The following GSG1L variants were observed in gnomAD, a reference collection of about 807,000 sequenced individuals.
GSG1L encodes the protein germ cell-specific gene 1-like protein.
Under a neutral mutation model 42.1 loss-of-function variants are expected in GSG1L, and 24 were observed. The ratio of observed to expected loss-of-function variants is 0.57; its 90% confidence interval spans 0.41 to 0.80. The LOEUF is 0.80. GSG1L is among the 30% of genes least tolerant of loss of function. The pLI, the probability that GSG1L is intolerant of heterozygous loss-of-function variation, is 0.00. For missense variants in GSG1L, 445 were observed against 472.2 expected, an observed-to-expected ratio of 0.94 and a Z score of 0.53; for synonymous variants, 215 against 203.5, an observed-to-expected ratio of 1.06 and a Z score of -0.48.
chr16:27,916,759 T>G (rs975704180), intron 2 of GSG1L, among the ~76,000 whole-genome samples: 38 of 152,190 alleles, frequency 2.5e-4, no homozygotes, highest in Admixed American at 2.2e-3. Flanking sequence ...CTCATGGGGT[T>G]GTTAAAAACT....
chr16:27,910,193 C>T (rs1596606215), intron 2 of GSG1L, among the ~76,000 whole-genome samples: 1 of 151,108 alleles, frequency 6.6e-6, no homozygotes, highest in Non-Finnish European at 1.5e-5. Flanking sequence ...AAACTCATGA[C>T]CTCAGACAAT....
In GSG1L at chr16:27,807,471, C is replaced by T. The variant is rs760014713; in HGVS notation, c.898+16G>A. 11 of 1,609,828 alleles carry T rather than the reference C, an allele frequency of 6.8e-6. No homozygotes were observed. The South Asian group carries it at 1.2e-4, about 18-fold the overall frequency. The stretch of plus-strand genomic sequence containing the variant: ...ATGAATCTGTCGTAGCAGATACCCA[C>T]AAACAGGCCACTTACGGGCAGGGTA... On this transcript the variant is annotated intron_variant, in intron 6 of 6. Coordinates refer to ENST00000447459, the MANE Select transcript of GSG1L (RefSeq NM_001109763.2).
chr16:28,004,226 T>C lies in GSG1L; in HGVS notation c.350-41023A>G, dbSNP rs551950127. Among the ~76,000 whole-genome samples the C allele has an allele frequency of 2.6e-5, 4 of 152,302 alleles. No homozygotes were observed. The East Asian group carries it at 7.8e-4, about 30-fold the overall frequency. ...ACTCTCCTCAGTGCTGGCTGCTCCC[T>C]TGCCGCCAAGGCCCCAAGAACAGCC... On this transcript the variant is annotated intron_variant, in intron 1 of 6. Coordinates refer to ENST00000447459, the MANE Select transcript of GSG1L (RefSeq NM_001109763.2).
intron 2 of GSG1L, among the ~76,000 whole-genome samples, chr16:27,917,581 T>A (rs913137662): frequency 2.6e-5 from 4 of 152,150 alleles, no homozygotes; most frequent in African/African-American, 4.8e-5. Context: ...AGACAGCAAC[T>A]GGGGCCAGAT....
chr16:27,812,506 G>A (rs1309359137), intron 5 of GSG1L, among the ~76,000 whole-genome samples: 1 of 152,248 alleles, frequency 6.6e-6, no homozygotes, highest in Non-Finnish European at 1.5e-5. Flanking sequence ...GTGGACAGTA[G>A]CAGGTGGTGG....
chr16:27,814,071 T>C (rs2083064935), intron 5 of GSG1L, among the ~76,000 whole-genome samples: 1 of 152,180 alleles, frequency 6.6e-6, no homozygotes, highest in African/African-American at 2.4e-5. Context: ...ATCTTTAAAC[T>C]TCTCTAATAG....
chr16:28,062,769 G>C (rs971824538), intron 1 of GSG1L, among the ~76,000 whole-genome samples: 5 of 152,294 alleles, frequency 3.3e-5, no homozygotes, highest in Middle Eastern at 3.4e-3. Flanking sequence ...CCCTCCGACC[G>C]GCAGCGGGGG....
At chr16:27,932,891 C>G (rs1179712919) in intron 2 of GSG1L, among the ~76,000 whole-genome samples, 1 of 152,032 alleles carries the variant, frequency 6.6e-6, no homozygotes, top group African/African-American at 2.4e-5. Context: ...ATGTGTCCAG[C>G]AAGAAGACCT....
chr16:27,892,252 C>T (rs962477942), intron 2 of GSG1L, among the ~76,000 whole-genome samples: 3 of 151,852 alleles, frequency 2.0e-5, no homozygotes, highest in Admixed American at 6.6e-5. Context: ...CCCAGGAGTT[C>T]GAGACCAGCC....
chr16:27,948,851 C>T (rs573405806), intron 2 of GSG1L, among the ~76,000 whole-genome samples: 6 of 150,880 alleles, frequency 4.0e-5, no homozygotes, highest in East Asian at 1.9e-4. Context: ...CCTCGTGATC[C>T]GCCTGCCTCG....
At chr16:28,005,623 G>C (rs1464774274) in intron 1 of GSG1L, among the ~76,000 whole-genome samples, 2 of 151,954 alleles carry the variant, frequency 1.3e-5, no homozygotes, top group East Asian at 1.9e-4. Context: ...TGAATGGTGG[G>C]GGGGGAGGGG....
At chr16:27,893,993 T>G (rs1567508537) in intron 2 of GSG1L, among the ~76,000 whole-genome samples, 4 of 152,212 alleles carry the variant, frequency 2.6e-5, no homozygotes. Context: ...CTTCAAGTTA[T>G]CCTCCAGCCC....
chr16:27,927,467 G>A (rs895872243), intron 2 of GSG1L, among the ~76,000 whole-genome samples: 4 of 152,190 alleles, frequency 2.6e-5, no homozygotes, highest in South Asian at 2.1e-4. Context: ...CACCTGGACC[G>A]GCCTCACCTG....
intron 1 of GSG1L, among the ~76,000 whole-genome samples, chr16:27,970,641 ATCC>A (rs1188749896): frequency 6.6e-6 from 1 of 151,568 alleles, no homozygotes; most frequent in Non-Finnish European, 1.5e-5. Flanking sequence ...GGCTCAAGTG[ATCC>A]TCCTGCCTCA....
intron 1 of GSG1L, among the ~76,000 whole-genome samples, chr16:27,965,058 G>A (rs552126417): frequency 1.4e-3 from 206 of 151,996 alleles, no homozygotes; most frequent in African/African-American, 4.7e-3. Flanking sequence ...TCACTCTGTC[G>A]CCCAGGCTGG....
chr16:27,857,236 G>T (rs991434447), intron 3 of GSG1L, among the ~76,000 whole-genome samples: 1 of 152,054 alleles, frequency 6.6e-6, no homozygotes, highest in Non-Finnish European at 1.5e-5. Context: ...AGATCACCCT[G>T]GGCAACATGG....
chr16:27,809,724 T>TC (rs1418457313), intron 5 of GSG1L, among the ~76,000 whole-genome samples: 1 of 152,206 alleles, frequency 6.6e-6, no homozygotes, highest in Non-Finnish European at 1.5e-5. Flanking sequence ...CCTGTCTTTG[T>TC]CTCATTTTCA....
At chr16:27,927,314 T>A (rs558703429) in intron 2 of GSG1L, among the ~76,000 whole-genome samples, 3 of 151,994 alleles carry the variant, frequency 2.0e-5, no homozygotes, top group African/African-American at 4.8e-5. Flanking sequence ...ATTTTTCAAT[T>A]TTTTTGTAGA....
intron 2 of GSG1L, among the ~76,000 whole-genome samples, chr16:27,935,976 G>A (rs2084711639): frequency 6.6e-6 from 1 of 150,650 alleles, no homozygotes; most frequent in Non-Finnish European, 1.5e-5. Context: ...GTCAGGTCCA[G>A]CTCTGGGATC....
Sources: allele counts gnomAD v4.1 joint callset (sites outside exome capture counted in the v4.1 genomes callset), GRCh38; gene constraint gnomAD v4.1.1; transcripts MANE v1.5; gene names NCBI Gene and HGNC (gene_info 2026-07-23, HGNC 2026-07-21).